SRL: variants seen among roughly 807,000 people sequenced by gnomAD.
SRL encodes the protein sarcalumenin.
SRL carries 23 observed loss-of-function variants against 39.5 expected under a neutral mutation model. That is an observed-to-expected ratio of 0.58 (90% confidence interval 0.42 to 0.82). The LOEUF (loss-of-function observed/expected upper bound fraction) is 0.82. Among genes scored for constraint, SRL ranks in the 40% least tolerant of loss-of-function variants. SRL has a pLI of 0.00. For missense variants in SRL, 592 were observed against 607.8 expected (o/e 0.97, Z 0.27); for synonymous variants, 272 against 237.4 (o/e 1.15, Z -1.34).
At chr16:4,231,032 T>C (rs2052654915) in intron 1 of SRL, among the ~76,000 whole-genome samples, 1 of 152,054 alleles carries the variant, frequency 6.6e-6, no homozygotes, top group Non-Finnish European at 1.5e-5. Context: ...ATTTCTGTGG[T>C]TTTGGCCAGG....
Position 4,195,764 on chromosome 16 carries a change from C to A in SRL, c.399G>T (p.Glu133Asp), listed in dbSNP as rs1416531284. ...TAGGCCCATGCATGAGGACCGTGAA[C>A]TCAGAGGTGGTGGGTTCAGCGCCTG... is the stretch of plus-strand genomic sequence containing the variant. The part of the protein sequence containing the change: ...LYTGAEPTTS[E>D]FTVLMHGPKL... The change falls in exon 5 of 6, where the codon GAG becomes GAT. Residue 133 changes from glutamate to aspartate, a missense_variant. Physicochemically the swap from Glu to Asp is conservative, Grantham distance 45. Coordinates refer to ENST00000399609, the MANE Select transcript of SRL (RefSeq NM_001098814.2). The A allele has an allele frequency of 1.2e-6, 2 of 1,613,910 alleles. No individual in the cohort carries two copies. The highest frequency in any genetic ancestry group is 4.5e-5 in the East Asian group (2 of 44,880).
chr16:4,233,682 A>G (rs897463748), intron 1 of SRL, among the ~76,000 whole-genome samples: 1 of 152,058 alleles, frequency 6.6e-6, no homozygotes, highest in African/African-American at 2.4e-5. Context: ...AGGACCTCAC[A>G]GGGCTGACAA....
chr16:4,191,821 A>G lies in SRL; in HGVS notation c.*332T>C. 4.2e-6 allele frequency: 1 copy of G among 238,054 alleles called. No individual in the cohort carries two copies. The highest frequency in any genetic ancestry group is 8.1e-6 in the Non-Finnish European group (1 of 123,556). 14.7% of individuals were successfully genotyped at this position (238,054 alleles called of 1,614,324 possible). A position where few individuals can be genotyped will look rare whatever the true frequency, so the allele number is the denominator to read the frequency against. Reference sequence around the variant, plus strand: ...GAACAAAGGAATTTCAGCTGCTTTTAGCTTATTTGACCCTCACTGATTTAA... The same window carrying G: ...GAACAAAGGAATTTCAGCTGCTTTTGGCTTATTTGACCCTCACTGATTTAA... On this transcript the variant is annotated 3_prime_UTR_variant, in exon 6 of 6. Coordinates refer to ENST00000399609, the MANE Select transcript of SRL (RefSeq NM_001098814.2).
intron 1 of SRL, among the ~76,000 whole-genome samples, chr16:4,209,421 T>A (rs1275215130): frequency 6.6e-6 from 1 of 152,126 alleles, no homozygotes; most frequent in Admixed American, 6.5e-5. Flanking sequence ...TGAGGCAGCC[T>A]CTGTTCTTCC....
At chr16:4,203,846 G>A (rs954655097) in intron 2 of SRL, among the ~76,000 whole-genome samples, 1 of 152,218 alleles carries the variant, frequency 6.6e-6, no homozygotes, top group African/African-American at 2.4e-5. Flanking sequence ...GGCTTAGAAG[G>A]CAAAGAGGCC....
intron 1 of SRL, among the ~76,000 whole-genome samples, chr16:4,206,176 C>A (rs7203388): frequency 0.02 from 3,085 of 152,194 alleles, 95 homozygotes; most frequent in African/African-American, 0.07. Context: ...TGGCCCCGAG[C>A]CCTTTGAGGG....
chr16:4,207,696 T>C (rs2052341021), intron 1 of SRL: 1 of 416,458 alleles, frequency 2.4e-6, no homozygotes, highest in Non-Finnish European at 4.8e-6. Context: ...CCCAGTCTCC[T>C]CCTCTCCTTG....
At chr16:4,216,857 G>A (rs557193984) in intron 1 of SRL, among the ~76,000 whole-genome samples, 3 of 152,282 alleles carry the variant, frequency 2.0e-5, no homozygotes, top group Non-Finnish European at 2.9e-5. Context: ...ATCCCAGTCC[G>A]AAGAAATCCA....
intron 5 of SRL, 119 bp downstream of exon 5, chr16:4,195,434 G>A (rs2052123302): frequency 2.0e-6 from 2 of 1,011,324 alleles, no homozygotes; most frequent in Admixed American, 4.3e-5. Flanking sequence ...CCGGCCTCAA[G>A]GGATCCTCCT....
chr16:4,204,434 G>T, intron 2 of SRL, 99 bp downstream of exon 2: 2 of 1,101,924 alleles, frequency 1.8e-6, no homozygotes, highest in South Asian at 1.3e-5. Flanking sequence ...CCAAGATACA[G>T]CCCCGGCACG....
Position 4,220,180 on chromosome 16 carries a change from C to T in SRL, c.62-15546G>A, listed in dbSNP as rs574073348. The stretch of plus-strand genomic sequence containing the variant: ...CTCACGTCTAGGCCAGGTGTGGAGG[C>T]TCATGCCTATAATCCCAGTACTCTG... On this transcript the variant is annotated intron_variant, in intron 1 of 5. Transcript: ENST00000399609. Among the ~76,000 whole-genome samples the T allele has an allele frequency of 5.8e-4, 88 of 152,130 alleles. 1 individual carries two copies. Among genetic ancestry groups the T allele is most frequent in the African/African-American group, 2.1e-3 (86 of 41,478 alleles).
intron 1 of SRL, among the ~76,000 whole-genome samples, chr16:4,205,476 G>A (rs2052306659): frequency 6.6e-6 from 1 of 152,152 alleles, no homozygotes; most frequent in Admixed American, 6.5e-5. Flanking sequence ...GGCCACAGAA[G>A]GAAACATTCT....
chr16:4,242,053 G>A lies in SRL; in HGVS notation c.15C>T (p.Val5=). 1 of 1,612,452 alleles carries A rather than the reference G, an allele frequency of 6.2e-7. No individual in the cohort carries two copies. ...GCGAGGCCAGGAGGCAGCCGAGCAGGACCAGCGCCCTCATGGTGACTGCCA... is the reference window on the plus strand; with the variant it reads ...GCGAGGCCAGGAGGCAGCCGAGCAGAACCAGCGCCCTCATGGTGACTGCCA... The part of the protein sequence containing the change: MRAL[V]LLGCLLASLL... Residue 5 remains valine, a synonymous_variant, in exon 1 of 6, where the codon GTC becomes GTT. Transcript: ENST00000399609.
intron 1 of SRL, among the ~76,000 whole-genome samples, chr16:4,230,305 G>T (rs2052644878): frequency 6.6e-6 from 1 of 152,054 alleles, no homozygotes; most frequent in Admixed American, 6.5e-5. Context: ...CCCAGTGGAA[G>T]ACCATCCCCT....
chr16:4,197,624 G>A (rs2141025179), intron 4 of SRL, among the ~76,000 whole-genome samples, 175 bp downstream of exon 4: 1 of 148,284 alleles, frequency 6.7e-6, no homozygotes, highest in African/African-American at 2.5e-5. Context: ...ATGGGTTTTT[G>A]CCATGTTGGC....
At chr16:4,196,064 G>A (rs1233803731) in intron 4 of SRL, among the ~76,000 whole-genome samples, 1 of 151,946 alleles carries the variant, frequency 6.6e-6, no homozygotes, top group Non-Finnish European at 1.5e-5. Context: ...AGGTTCAAGC[G>A]ATTCTCCCAC....
intron 2 of SRL, 85 bp from the exon 3 acceptor site, chr16:4,203,346 G>C (rs949867881): frequency 4.5e-6 from 5 of 1,113,854 alleles, no homozygotes; most frequent in Non-Finnish European, 6.8e-6. Flanking sequence ...TCACCACCCA[G>C]GGCAGCTCCA....
intron 1 of SRL, among the ~76,000 whole-genome samples, chr16:4,205,545 A>T (rs1243138210): frequency 6.8e-6 from 1 of 146,028 alleles, no homozygotes; most frequent in Non-Finnish European, 1.5e-5. Context: ...GCACGGTCAG[A>T]GAAGGCCTCC....
intron 1 of SRL, among the ~76,000 whole-genome samples, chr16:4,205,554 C>G (rs1369653728): frequency 7.9e-6 from 1 of 126,846 alleles, no homozygotes; most frequent in Non-Finnish European, 1.7e-5. Flanking sequence ...GAGAAGGCCT[C>G]CCCAGGTCTC....
Sources: allele counts gnomAD v4.1 joint callset (sites outside exome capture counted in the v4.1 genomes callset), GRCh38; gene constraint gnomAD v4.1.1; transcripts MANE v1.5; gene names NCBI Gene and HGNC (gene_info 2026-07-23, HGNC 2026-07-21).